The following POLA1 variants were observed in gnomAD, a reference collection of about 807,000 sequenced individuals.
POLA1 encodes the protein DNA polymerase alpha 1, catalytic subunit, also known as DNA polymerase alpha catalytic subunit.
In POLA1, 15 loss-of-function variants were observed where a neutral mutation model predicts 124.0. The ratio of observed to expected loss-of-function variants is 0.12; its 90% CI spans 0.08 to 0.19. The LOEUF is 0.19. Among genes scored for constraint, POLA1 ranks in the 10% least tolerant of loss-of-function variants. POLA1 has a pLI of 1.00. For missense variants in POLA1, 886 were observed against 1,103.4 expected (o/e 0.80, Z 2.79); for synonymous variants, 408 against 389.4 (o/e 1.05, Z -0.56).
chrX:24,761,320 G>C (rs757764823), intron 26 of POLA1, among the ~76,000 whole-genome samples: 29 of 111,632 alleles, frequency 2.6e-4, no homozygotes, highest in Non-Finnish European at 5.5e-4. Context: ...GCGGAGATGG[G>C]AGTGGAACAA....
chrX:24,984,764 A>G (rs1168254148), intron 36 of POLA1, among the ~76,000 whole-genome samples: 2 of 101,723 alleles, frequency 2.0e-5, no homozygotes, highest in African/African-American at 7.4e-5. Context: ...GGTTCACGCC[A>G]TTCTCCTGCC....
intron 36 of POLA1, among the ~76,000 whole-genome samples, chrX:24,954,671 G>T (rs983991072): frequency 1.8e-5 from 2 of 112,118 alleles, no homozygotes; most frequent in African/African-American, 6.5e-5. Flanking sequence ...AGTAAATATG[G>T]TGAGCATCAA....
chrX:24,921,892 T>TTGTGTGTGTG (rs755172411), intron 35 of POLA1, among the ~76,000 whole-genome samples: 3 of 105,711 alleles, frequency 2.8e-5, no homozygotes, highest in African/African-American at 1.1e-4. Flanking sequence ...GTTTTGCCTT[T>TTGTGTGTGTG]TGTGTGTGTG....
chrX:24,716,788 A>G (rs1929869879), intron 7 of POLA1, 96 bp from the exon 8 acceptor site: 1 of 476,991 alleles, frequency 2.1e-6, no homozygotes, highest in Non-Finnish European at 3.5e-6. Flanking sequence ...AAATCTTTTT[A>G]TAAAAGGGAA....
intron 35 of POLA1, among the ~76,000 whole-genome samples, chrX:24,907,742 G>A (rs1423722225): frequency 8.9e-6 from 1 of 112,216 alleles, no homozygotes; most frequent in African/African-American, 3.2e-5. Context: ...TCAGAGAGAG[G>A]GGAAATGAAT....
chrX:24,885,299 A>G lies in POLA1; in HGVS notation c.4048-2707A>G, dbSNP rs144070365. Among the ~76,000 whole-genome samples, 12 of 111,603 alleles carry G rather than the reference A, an allele frequency of 1.1e-4. No homozygotes were observed. In the East Asian group the frequency reaches 3.4e-3, roughly 32 times the overall value. The stretch of plus-strand genomic sequence containing the variant: ...TGTAAAGCCTCAGATACCAAATTTA[A>G]AGTAACAAACCCAATGAATGATAAA... On this transcript the variant is annotated intron_variant, in intron 34 of 36. Coordinates refer to ENST00000379068, the MANE Select transcript of POLA1 (RefSeq NM_001330360.2).
intron 26 of POLA1, among the ~76,000 whole-genome samples, chrX:24,775,581 C>T (rs2045124830): frequency 9.0e-6 from 1 of 111,470 alleles, no homozygotes; most frequent in Admixed American, 9.6e-5. Flanking sequence ...ATATTCTGAG[C>T]CAGAGTGTTA....
intron 36 of POLA1, among the ~76,000 whole-genome samples, chrX:24,988,859 G>A (rs1307310579): frequency 3.6e-5 from 4 of 111,216 alleles, no homozygotes; most frequent in African/African-American, 3.3e-5. Context: ...CTAGCTACTC[G>A]GGAGGATGAG....
Position 24,743,286 on chromosome X carries a change from G to A in POLA1, c.2523G>A (p.Lys841=). The A allele has an allele frequency of 8.5e-7, 1 of 1,180,653 alleles. No individual in the cohort carries two copies. Among genetic ancestry groups the A allele is most frequent in the Middle Eastern group, 2.3e-4 (1 of 4,269 alleles). Residue 841 remains lysine (K), a synonymous_variant, in exon 23 of 37, where the codon AAG becomes AAA. Transcript: ENST00000379068. ...GDTNKYKKGR[K]KAAYAGGLVL... ...CCAATAAATACAAGAAAGGACGTAAGAAAGCAGCTTATGCTGGAGGCTTGG... is the reference window on the plus strand; with the variant it reads ...CCAATAAATACAAGAAAGGACGTAAAAAAGCAGCTTATGCTGGAGGCTTGG...
intron 35 of POLA1, among the ~76,000 whole-genome samples, chrX:24,916,043 G>A (rs905120208): frequency 2.7e-5 from 3 of 112,002 alleles, no homozygotes; most frequent in South Asian, 3.7e-4. Flanking sequence ...CAAGAGGATT[G>A]CAGAAGAAAC....
chrX:24,966,253 T>C (rs1045017841), intron 36 of POLA1, among the ~76,000 whole-genome samples: 1 of 111,771 alleles, frequency 8.9e-6, no homozygotes. Context: ...ATGTTTTTTT[T>C]CCAGTGCCAC....
At chrX:24,922,761 G>A (rs2047635974) in intron 35 of POLA1, among the ~76,000 whole-genome samples, 1 of 111,146 alleles carries the variant, frequency 9.0e-6, no homozygotes, top group African/African-American at 3.3e-5. Context: ...TCTGAACTTG[G>A]CCCACTATCT....
intron 36 of POLA1, among the ~76,000 whole-genome samples, chrX:24,944,383 G>GC (rs902526599): frequency 1.8e-5 from 2 of 109,949 alleles, no homozygotes; most frequent in African/African-American, 3.3e-5. Flanking sequence ...TGAGAATTAT[G>GC]CCCCCCCACC....
chrX:24,751,094 A>G (rs1932297464), intron 26 of POLA1, among the ~76,000 whole-genome samples: 2 of 112,176 alleles, frequency 1.8e-5, no homozygotes, highest in African/African-American at 6.5e-5. Context: ...TGGGTTGACT[A>G]TTGAGATTGG....
At chrX:24,854,330 G>A (rs937561815) in intron 34 of POLA1, among the ~76,000 whole-genome samples, 5 of 111,553 alleles carry the variant, frequency 4.5e-5, no homozygotes, top group Non-Finnish European at 7.5e-5. Flanking sequence ...GATTATAGGT[G>A]TGAGCCACCG....
At chrX:24,877,765 A>G (rs1255696206) in intron 34 of POLA1, among the ~76,000 whole-genome samples, 1 of 111,803 alleles carries the variant, frequency 8.9e-6, no homozygotes, top group Non-Finnish European at 1.9e-5. Flanking sequence ...TGTTTCTTAA[A>G]TTATGGCCAT....
At chrX:24,938,473 A>G (rs73207275) in intron 36 of POLA1, among the ~76,000 whole-genome samples, 156 of 112,043 alleles carry the variant, frequency 1.4e-3, no homozygotes, top group Non-Finnish European at 2.4e-3. Context: ...GCCACTCTCT[A>G]TGTGCCCAGA....
At chrX:24,783,091 T>G (rs1216369828) in intron 26 of POLA1, among the ~76,000 whole-genome samples, 3 of 109,437 alleles carry the variant, frequency 2.7e-5, no homozygotes, top group Non-Finnish European at 5.7e-5. Context: ...GTTCCTTCAG[T>G]TATTGTCTGT....
chrX:24,788,713 C>T (rs763394052), intron 26 of POLA1: 3 of 1,205,254 alleles, frequency 2.5e-6, no homozygotes, highest in Admixed American at 4.4e-5. Context: ...GACGTTCTTC[C>T]CTTAGCCTCT....
Sources: allele counts gnomAD v4.1 joint callset (sites outside exome capture counted in the v4.1 genomes callset), GRCh38; gene constraint gnomAD v4.1.1; transcripts MANE v1.5; gene names NCBI Gene and HGNC (gene_info 2026-07-23, HGNC 2026-07-21).